ANXA4: variants seen among roughly 807,000 people sequenced by gnomAD.
The protein encoded by ANXA4 is 35-beta calcimedin.
ANXA4 carries 39 observed loss-of-function variants against 49.8 expected under a neutral mutation model. That is an observed-to-expected ratio of 0.78 (90% CI 0.61 to 1.02). The LOEUF is 1.02. ANXA4 is among the 50% of genes least tolerant of loss of function. The pLI is 0.00. For missense variants in ANXA4, 360 were observed against 410.1 expected (o/e 0.88, Z 1.05); for synonymous variants, 134 against 152.5 (o/e 0.88, Z 0.89).
At chr2:69,814,344 T>TTA (rs1168092480) in intron 8 of ANXA4, among the ~76,000 whole-genome samples, 1 of 135,624 alleles carries the variant, frequency 7.4e-6, no homozygotes, top group East Asian at 2.1e-4. Flanking sequence ...ATTTTATTCT[T>TTA]TTTTTTTTTT....
At chr2:69,818,570 C>T (rs762123595) in intron 9 of ANXA4, 29 bp from the exon 10 acceptor site, 1 of 1,471,394 alleles carries the variant, frequency 6.8e-7, no homozygotes. Context: ...TTTTTCTTCC[C>T]AATAATACTA....
At chr2:69,654,628 A>G (rs894046265) in intron 2 of ANXA4, among the ~76,000 whole-genome samples, 11 of 152,308 alleles carry the variant, frequency 7.2e-5, no homozygotes, top group Non-Finnish European at 1.5e-5. Flanking sequence ...CATCCCAGGG[A>G]TGAAGCTGAC....
chr2:69,769,266 ATCAT>A (rs34683881), intron 1 of ANXA4, among the ~76,000 whole-genome samples: 32,379 of 151,990 alleles, frequency 0.21, 3,494 homozygotes, highest in East Asian at 0.34. Flanking sequence ...TTTCCCAGCA[ATCAT>A]TGAGGCCACT....
At chr2:69,800,343 G>A (rs1001148494) in intron 3 of ANXA4, among the ~76,000 whole-genome samples, 1 of 151,982 alleles carries the variant, frequency 6.6e-6, no homozygotes, top group Non-Finnish European at 1.5e-5. Context: ...GTTACATTCA[G>A]AATTATCAGC....
chr2:69,749,564 C>T (rs1024503774), intron 1 of ANXA4, among the ~76,000 whole-genome samples: 9 of 152,106 alleles, frequency 5.9e-5, no homozygotes, highest in Non-Finnish European at 1.0e-4. Context: ...TTGATAGGAA[C>T]TGATATAGAA....
At chr2:69,732,285 T>C (rs1334124993) in intron 3 of ANXA4, among the ~76,000 whole-genome samples, 5 of 151,158 alleles carry the variant, frequency 3.3e-5, no homozygotes, top group African/African-American at 1.2e-4. Context: ...CCCTTAGTTA[T>C]GTGTTCTGTA....
chr2:69,726,304 C>A (rs1669961683), intron 3 of ANXA4, among the ~76,000 whole-genome samples: 1 of 152,158 alleles, frequency 6.6e-6, no homozygotes, highest in Non-Finnish European at 1.5e-5. Context: ...GAGGCCTCCC[C>A]AGCCATTCAG....
chr2:69,723,181 A>G (rs1408975353), intron 3 of ANXA4, among the ~76,000 whole-genome samples: 1 of 128,432 alleles, frequency 7.8e-6, no homozygotes, highest in South Asian at 2.6e-4. Context: ...ACAGAGCAAG[A>G]CTGTCTCAAA....
At chr2:69,669,501 C>T (rs894290003) in intron 2 of ANXA4, among the ~76,000 whole-genome samples, 3 of 151,496 alleles carry the variant, frequency 2.0e-5, no homozygotes, top group Non-Finnish European at 4.4e-5. Context: ...ATCCCAGCTA[C>T]TTGGGAAGCT....
chr2:69,719,856 G>A (rs564605955), intron 2 of ANXA4, among the ~76,000 whole-genome samples: 1 of 152,212 alleles, frequency 6.6e-6, no homozygotes, highest in Non-Finnish European at 1.5e-5. Context: ...TCAAACTCCT[G>A]CTTAAGTGAT....
chr2:69,718,610 GC>G (rs1390604463), intron 2 of ANXA4, among the ~76,000 whole-genome samples: 1 of 152,146 alleles, frequency 6.6e-6, no homozygotes, highest in Non-Finnish European at 1.5e-5. Flanking sequence ...TGCTTCTTGT[GC>G]TTTGGGGTTT....
chr2:69,794,601 C>T lies in ANXA4; in HGVS notation c.97+6460C>T, dbSNP rs111581114. On this transcript the variant is annotated intron_variant, in intron 3 of 12. Coordinates refer to ENST00000394295, the MANE Select transcript of ANXA4 (RefSeq NM_001153.5). The stretch of plus-strand genomic sequence containing the variant: ...TTTTTGAGACGGAGTCTCACTCTGT[C>T]GCCCAGGCTGGAGTGCAGTGGCATG... Among the ~76,000 whole-genome samples the T allele has an allele frequency of 9.0e-3, 1,346 of 148,952 alleles. 29 individuals are homozygous for T. The highest frequency in any genetic ancestry group is 0.031 in the African/African-American group (1,279 of 41,006).
intron 2 of ANXA4, among the ~76,000 whole-genome samples, chr2:69,699,564 G>A (rs1418084458): frequency 6.6e-6 from 1 of 152,098 alleles, no homozygotes; most frequent in East Asian, 1.9e-4. Context: ...GATTCCTTGA[G>A]CCCAGGCTGC....
chr2:69,692,906 A>G (rs1312620362), intron 2 of ANXA4, among the ~76,000 whole-genome samples: 1 of 152,194 alleles, frequency 6.6e-6, no homozygotes. Flanking sequence ...GAATTGGTTT[A>G]TATCAATTTA....
At chr2:69,820,863 A>G in intron 12 of ANXA4, 42 bp downstream of exon 12, 1 of 1,605,186 alleles carries the variant, frequency 6.2e-7, no homozygotes, top group East Asian at 2.2e-5. Context: ...GGATCCAGAA[A>G]AGGACCCCTC....
At chr2:69,716,245 A>G (rs1428927659) in intron 2 of ANXA4, among the ~76,000 whole-genome samples, 1 of 152,154 alleles carries the variant, frequency 6.6e-6, no homozygotes, top group Non-Finnish European at 1.5e-5. Context: ...TCTAGTCCTT[A>G]CTTAAATGAG....
At chr2:69,699,469 A>C (rs1471197808) in intron 2 of ANXA4, among the ~76,000 whole-genome samples, 1 of 151,964 alleles carries the variant, frequency 6.6e-6, no homozygotes, top group African/African-American at 2.4e-5. Flanking sequence ...GTGAGACCTC[A>C]TTCTATGAGA....
chr2:69,690,724 T>A (rs1165231771), intron 2 of ANXA4, among the ~76,000 whole-genome samples: 1 of 152,226 alleles, frequency 6.6e-6, no homozygotes, highest in African/African-American at 2.4e-5. Flanking sequence ...CAATGCATGC[T>A]GAGGAGTTCA....
intron 1 of ANXA4, among the ~76,000 whole-genome samples, chr2:69,742,481 TG>T (rs1670436234): frequency 6.6e-6 from 1 of 152,254 alleles, no homozygotes; most frequent in Non-Finnish European, 1.5e-5. Flanking sequence ...ATTCAGTCCA[TG>T]TGCTAGGCTT....
Sources: gnomAD v4.1 joint callset for allele counts (sites outside exome capture counted in the v4.1 genomes callset) on GRCh38, gnomAD v4.1.1 for gene constraint, MANE v1.5 for transcripts, NCBI Gene and HGNC (gene_info 2026-07-23, HGNC 2026-07-21) for gene names.